WIPI1: variants seen among roughly 807,000 people sequenced by gnomAD.
The protein encoded by WIPI1 is WD repeat domain, phosphoinositide interacting 1.
A neutral mutation model predicts 55.3 loss-of-function variants in WIPI1; 45 were observed. The observed-to-expected ratio is 0.81, with a 90% CI of 0.64 to 1.04. WIPI1 has a LOEUF of 1.04. Ranked by LOEUF, WIPI1 falls within the 50% of genes least tolerant of loss-of-function variation. The probability of loss-of-function intolerance (pLI) is 0.00; values close to 1 mark genes in which losing one functional copy is unlikely to be tolerated. For missense variants in WIPI1, 445 were observed against 559.0 expected (o/e 0.80, Z 2.06); for synonymous variants, 195 against 217.6 (o/e 0.90, Z 0.92).
At chr17:68,433,800 A>T (rs1338508425) in intron 7 of WIPI1, among the ~76,000 whole-genome samples, 10 of 48,294 alleles carry the variant, frequency 2.1e-4, no homozygotes, top group East Asian at 1.2e-3. Context: ...TTTTTTTTTG[A>T]GACAGAGTCT....
At chr17:68,429,383 C>A (rs188643502) in intron 9 of WIPI1, among the ~76,000 whole-genome samples, 175 of 152,270 alleles carry the variant, frequency 1.1e-3, no homozygotes, top group African/African-American at 3.2e-3. Flanking sequence ...AAACATCTGT[C>A]AGCCCCATAG....
intron 3 of WIPI1, among the ~76,000 whole-genome samples, chr17:68,449,101 G>A (rs1158495550): frequency 6.6e-6 from 1 of 152,138 alleles, no homozygotes; most frequent in Non-Finnish European, 1.5e-5. Context: ...AAATTAATTA[G>A]TACTTAAGAG....
intron 7 of WIPI1, among the ~76,000 whole-genome samples, chr17:68,434,050 G>A (rs1175193079): frequency 2.6e-5 from 4 of 151,948 alleles, no homozygotes; most frequent in Non-Finnish European, 5.9e-5. Flanking sequence ...GATTACAGAC[G>A]TGAGCCACCG....
At chr17:68,437,016 A>ATATATATATGTG (rs749622772) in intron 4 of WIPI1, among the ~76,000 whole-genome samples, 2 of 144,578 alleles carry the variant, frequency 1.4e-5, no homozygotes, top group Non-Finnish European at 3.0e-5. Flanking sequence ...ATATATATAT[A>ATATATATATGTG]TGTGTGTGTG....
intron 8 of WIPI1, 98 bp downstream of exon 8, chr17:68,433,370 G>T (rs17672144): frequency 0.047 from 51,796 of 1,111,966 alleles, 1,433 homozygotes; most frequent in Middle Eastern, 0.098. Context: ...AGCCAAGATT[G>T]GGTGTTCAGA....
chr17:68,444,442 A>G (rs1201397527), intron 4 of WIPI1, 51 bp downstream of exon 4: 2 of 1,523,168 alleles, frequency 1.3e-6, no homozygotes, highest in Middle Eastern at 1.7e-4. Flanking sequence ...TTGGGAAAGA[A>G]GCACCAGGAC....
chr17:68,450,649 T>C, intron 3 of WIPI1, 79 bp downstream of exon 3: 1 of 1,506,282 alleles, frequency 6.6e-7, no homozygotes, highest in Non-Finnish European at 8.9e-7. Flanking sequence ...TTACAGACAT[T>C]GATCTTGAAA....
At chr17:68,436,501 A>C in intron 4 of WIPI1, 22 bp from the exon 5 acceptor site, 2 of 1,607,402 alleles carry the variant, frequency 1.2e-6, no homozygotes, top group Non-Finnish European at 1.7e-6. Context: ...GAAACAGAAC[A>C]TGAGAAGCCT....
intron 5 of WIPI1, among the ~76,000 whole-genome samples, 168 bp from the exon 6 acceptor site, chr17:68,435,880 A>T (rs1344440691): frequency 6.6e-6 from 1 of 152,150 alleles, no homozygotes; most frequent in Non-Finnish European, 1.5e-5. Context: ...TTTCTGGTGA[A>T]TCAAGATTTG....
chr17:68,447,541 C>T (rs1796271702), intron 3 of WIPI1, among the ~76,000 whole-genome samples: 1 of 151,818 alleles, frequency 6.6e-6, no homozygotes, highest in Non-Finnish European at 1.5e-5. Context: ...GCCACCATGC[C>T]CAGCTAATTT....
In WIPI1 at chr17:68,432,772, C is replaced by T. The variant is rs185991216; in HGVS notation, c.800+696G>A. On this transcript the variant is annotated intron_variant, in intron 8 of 12. Coordinates refer to ENST00000262139, the MANE Select transcript of WIPI1 (RefSeq NM_017983.7). Reference sequence around the variant, plus strand: ...TGCCTTTCTCTGCAGGTTGGGGTAACGTTTTCAAAGCGCTCTTTCTCTAGA... The same window carrying T: ...TGCCTTTCTCTGCAGGTTGGGGTAATGTTTTCAAAGCGCTCTTTCTCTAGA... Among the ~76,000 whole-genome samples the T allele has an allele frequency of 2.7e-4, 41 of 152,198 alleles. No individual in the cohort carries two copies. In the East Asian group the frequency reaches 6.9e-3, roughly 26 times the overall value.
At position 68,433,553 on chromosome 17, in the gene WIPI1, C is replaced by G. The variant is rs1176831228; in HGVS notation, c.715G>C (p.Val239Leu). The change falls in exon 8 of 13, where the codon GTG (valine) becomes CTG (leucine). Residue 239 changes from valine (V) to leucine (L), a missense_variant. Transcript: ENST00000262139. ...MKRYVTISSL[V>L]FSMDSQFLCA... ...AGGAATTGTGAATCCATACTGAACA[C>G]TAGAGAGCTGATTGTCACATACCTA... 1 of 1,613,714 alleles carries G rather than the reference C, an allele frequency of 6.2e-7. No homozygotes were observed. Among genetic ancestry groups the G allele is most frequent in the Non-Finnish European group, 8.5e-7 (1 of 1,179,992 alleles).
chr17:68,429,222 AC>A (rs1293062019), intron 9 of WIPI1, among the ~76,000 whole-genome samples: 12 of 152,204 alleles, frequency 7.9e-5, no homozygotes, highest in African/African-American at 2.9e-4. Context: ...TTAGCTCCCT[AC>A]ATGGGACGCA....
intron 2 of WIPI1, among the ~76,000 whole-genome samples, chr17:68,451,257 C>T (rs1038210795): frequency 6.6e-5 from 10 of 152,310 alleles, no homozygotes; most frequent in African/African-American, 2.2e-4. Context: ...ATGGCGAAAC[C>T]CCATCTCTAC....
intron 1 of WIPI1, among the ~76,000 whole-genome samples, chr17:68,453,391 C>T (rs911863207): frequency 2.1e-4 from 32 of 152,106 alleles, no homozygotes; most frequent in Non-Finnish European, 8.8e-5. Flanking sequence ...GTCTGAGAGG[C>T]ACTTTACCAG....
At chr17:68,438,884 G>A (rs993160977) in intron 4 of WIPI1, among the ~76,000 whole-genome samples, 1 of 152,360 alleles carries the variant, frequency 6.6e-6, no homozygotes, top group South Asian at 2.1e-4. Flanking sequence ...ACAGGCGTGA[G>A]CCATCGTGCC....
At chr17:68,440,793 T>G (rs2084041529) in intron 4 of WIPI1, 1 of 152,216 alleles carries the variant, frequency 6.6e-6, no homozygotes, top group Non-Finnish European at 1.5e-5. Context: ...ATTCTCATCT[T>G]GGTATTTAAA....
chr17:68,426,833 C>T (rs1167287685), intron 11 of WIPI1, among the ~76,000 whole-genome samples: 1 of 152,210 alleles, frequency 6.6e-6, no homozygotes, highest in Admixed American at 6.5e-5. Context: ...ATGTGCCTGG[C>T]CTCATTGGAA....
Position 68,453,003 on chromosome 17 carries a change from T to C in WIPI1, c.81-11A>G, listed in dbSNP as rs925792692. 3.7e-6 allele frequency: 6 copies of C among 1,605,872 alleles called. No individual in the cohort carries two copies. The highest frequency in any genetic ancestry group is 4.3e-6 in the Non-Finnish European group (5 of 1,172,778). Reference sequence around the variant, plus strand: ...CCAGTTGCTAGGGATCTGTGGAGGATAATGACAGCATGGGAATAACGACAG... The same window carrying C: ...CCAGTTGCTAGGGATCTGTGGAGGACAATGACAGCATGGGAATAACGACAG... On this transcript the variant is annotated splice_polypyrimidine_tract_variant and intron_variant, in intron 1 of 12. Transcript: ENST00000262139.
Sources: gnomAD v4.1 joint callset for allele counts (sites outside exome capture counted in the v4.1 genomes callset) on GRCh38, gnomAD v4.1.1 for gene constraint, MANE v1.5 for transcripts, NCBI Gene and HGNC (gene_info 2026-07-23, HGNC 2026-07-21) for gene names.